PMPCB: variants seen among roughly 807,000 people sequenced by gnomAD.
PMPCB encodes the protein mitochondrial-processing peptidase subunit beta.
In PMPCB, 46 loss-of-function variants were observed where a neutral mutation model predicts 61.5. The observed-to-expected ratio is 0.75, with a 90% confidence interval of 0.59 to 0.96. The LOEUF (loss-of-function observed/expected upper bound fraction) is 0.96, where lower values mean the gene tolerates loss of function less well. Among genes scored for constraint, PMPCB ranks in the 40% least tolerant of loss-of-function variants. The probability of loss-of-function intolerance (pLI) is 0.00; values close to 1 mark genes in which losing one functional copy is unlikely to be tolerated. For missense variants in PMPCB, 590 were observed against 602.4 expected (o/e 0.98, Z 0.22); for synonymous variants, 191 against 201.6 (o/e 0.95, Z 0.44).
At chr7:103,321,826 C>T (rs539679086) in intron 12 of PMPCB, 31 of 1,308,124 alleles carry the variant, frequency 2.4e-5, no homozygotes, top group African/African-American at 1.2e-4. Flanking sequence ...CCAGCCTGGG[C>T]GACAGAGCGA....
chr7:103,322,117 A>G (rs1818452865), intron 12 of PMPCB: 1 of 1,457,376 alleles, frequency 6.9e-7, no homozygotes, highest in East Asian at 2.3e-5. Context: ...TTTAATAGGT[A>G]CAGTAAAATT....
Position 103,297,439 on chromosome 7 carries a change from T to C in PMPCB, c.-21T>C. 6.5e-7 allele frequency: 1 copy of C among 1,534,868 alleles called. No individual in the cohort carries two copies. Among genetic ancestry groups the C allele is most frequent in the Non-Finnish European group, 8.8e-7 (1 of 1,140,422 alleles). On this transcript the variant is annotated 5_prime_UTR_variant, in exon 1 of 13. Transcript: ENST00000249269. ...GACCCCGGAAGCACATCCTTCATCC[T>C]CTACCTTCCTTCTAGCAGAAATGGC...
At position 103,312,506 on chromosome 7, in the gene PMPCB, A is replaced by G; in HGVS notation, c.*235A>G. Reference sequence around the variant, plus strand: ...AAATTATTACCATGAGTATAATTTTAAGAATGAAAATGTTTACAGTATTTT... The same window carrying G: ...AAATTATTACCATGAGTATAATTTTGAGAATGAAAATGTTTACAGTATTTT... On this transcript the variant is annotated 3_prime_UTR_variant, in exon 13 of 13. Transcript: ENST00000249269. The G allele has an allele frequency of 6.3e-7, 1 of 1,580,568 alleles. No individual in the cohort carries two copies. Among genetic ancestry groups the G allele is most frequent in the Non-Finnish European group, 8.6e-7 (1 of 1,167,806 alleles).
chr7:103,337,635 AGTTATGG>A, the PMPCB span: 1 of 917,798 alleles, frequency 1.1e-6, no homozygotes, highest in South Asian at 1.5e-5. Flanking sequence ...TGTTAAATGT[AGTTATGG>A]CTGCAGACTA....
At position 103,297,559 on chromosome 7, in the gene PMPCB, G is replaced by T; in HGVS notation, c.99+1G>T. On this transcript the variant is annotated splice_donor_variant, in intron 1 of 12. Coordinates refer to ENST00000249269, the MANE Select transcript of PMPCB (RefSeq NM_004279.3). LOFTEE classifies it high-confidence loss of function. ...TCTAATCCGAGGCGCTGCGGGACGGGTGAGCTTCCCTCCAGGCCGGTCCTG... is the reference window on the plus strand; with the variant it reads ...TCTAATCCGAGGCGCTGCGGGACGGTTGAGCTTCCCTCCAGGCCGGTCCTG... 1.2e-6 allele frequency: 2 copies of T among 1,611,380 alleles called. No individual in the cohort carries two copies. Among genetic ancestry groups the T allele is most frequent in the South Asian group, 2.2e-5 (2 of 90,872 alleles).
At chr7:103,300,037 C>T (rs996117557) in intron 3 of PMPCB, 141 bp from the exon 4 acceptor site, 6 of 700,472 alleles carry the variant, frequency 8.6e-6, no homozygotes, top group African/African-American at 5.4e-5. Flanking sequence ...TGTGAGCCAT[C>T]GTACCATACC....
At position 103,307,617 on chromosome 7, in the gene PMPCB, T is replaced by A. The variant is rs1414662315; in HGVS notation, c.758T>A (p.Leu253His). ...AAGGVSHDEL[L>H]DLAKFHFGDS... ...TTAGGTGTTTCCCATGATGAATTGC[T>A]TGACTTAGCAAAGTTTCATTTCGGT... Residue 253 changes from leucine (L) to histidine (H), a missense_variant, in exon 7 of 13, where the codon CTT (leucine) becomes CAT (histidine). By Grantham distance (99) the Leu-to-His change is moderately conservative. Coordinates refer to ENST00000249269, the MANE Select transcript of PMPCB (RefSeq NM_004279.3). 1 of 1,610,874 alleles carries A rather than the reference T, an allele frequency of 6.2e-7. No individual in the cohort carries two copies. Among genetic ancestry groups the A allele is most frequent in the Non-Finnish European group, 8.5e-7 (1 of 1,177,120 alleles).
At chr7:103,298,902 A>G (rs927793203) in intron 2 of PMPCB, among the ~76,000 whole-genome samples, 194 bp downstream of exon 2, 1 of 152,162 alleles carries the variant, frequency 6.6e-6, no homozygotes, top group Non-Finnish European at 1.5e-5. Context: ...ATCCTGTTGC[A>G]TTGTCTGCAT....
chr7:103,341,859 C>T, the PMPCB span: 4 of 1,613,114 alleles, frequency 2.5e-6, no homozygotes, highest in South Asian at 1.1e-5. Context: ...TTCTTATCCT[C>T]CAGTTCCTGA....
At chr7:103,331,238 G>A (rs920017857), downstream of PMPCB, among the ~76,000 whole-genome samples, 2 of 152,206 alleles carry the variant, frequency 1.3e-5, no homozygotes, top group Non-Finnish European at 1.5e-5. Context: ...GATTACAGGC[G>A]TGAGCCACTG....
downstream of PMPCB, among the ~76,000 whole-genome samples, chr7:103,318,712 A>G (rs948583948): frequency 6.6e-6 from 1 of 152,236 alleles, no homozygotes; most frequent in Non-Finnish European, 1.5e-5. Flanking sequence ...CTGTAAAATA[A>G]AAGGTATAGA....
intron 12 of PMPCB, among the ~76,000 whole-genome samples, chr7:103,321,374 C>T: frequency 6.6e-6 from 1 of 151,640 alleles, no homozygotes; most frequent in East Asian, 1.9e-4. Flanking sequence ...AAAAATTAGC[C>T]AGGCGTGGTG....
At chr7:103,336,855 G>A in the PMPCB span, 1 of 152,174 alleles carries the variant, frequency 6.6e-6, no homozygotes, top group East Asian at 1.9e-4. Context: ...TTTCCTAAAT[G>A]TAAGCAGTAA....
chr7:103,303,125 A>C (rs1221143981), intron 4 of PMPCB, among the ~76,000 whole-genome samples: 20 of 152,100 alleles, frequency 1.3e-4, no homozygotes, highest in Non-Finnish European at 2.9e-5. Flanking sequence ...TTTGGGGCAT[A>C]TTTTAGATTG....
In PMPCB at chr7:103,312,877, T is replaced by A; in HGVS notation, c.*606T>A. 6.4e-7 allele frequency: 1 copy of A among 1,555,946 alleles called. No homozygotes were observed. Among genetic ancestry groups the A allele is most frequent in the South Asian group, 1.3e-5 (1 of 79,106 alleles). On this transcript the variant is annotated 3_prime_UTR_variant, in exon 13 of 13. Coordinates refer to ENST00000249269, the MANE Select transcript of PMPCB (RefSeq NM_004279.3). ...TATATTATTAACCACTTAATAGACA[T>A]AAAATATGAGCTATATCACCCAAGC... is the stretch of plus-strand genomic sequence containing the variant.
At chr7:103,300,871 G>C (rs549245469) in intron 4 of PMPCB, among the ~76,000 whole-genome samples, 1 of 152,234 alleles carries the variant, frequency 6.6e-6, no homozygotes, top group African/African-American at 2.4e-5. Context: ...TTTTAGTAGA[G>C]ATGGGTTCTA....
chr7:103,312,300 CAT>C lies in PMPCB; in HGVS notation c.*30_*31del, dbSNP rs1817789247. ...GCTCCTAATCAAGATTGTTTGAACA[CAT>C]GTATTTATAAAACAGAGCTAGAGAA... is the stretch of plus-strand genomic sequence containing the variant. On this transcript the variant is annotated 3_prime_UTR_variant, in exon 13 of 13. Transcript: ENST00000249269. 1 of 1,605,758 alleles carries C rather than the reference CAT, an allele frequency of 6.2e-7. No individual in the cohort carries two copies. Among genetic ancestry groups the C allele is most frequent in the African/African-American group, 1.3e-5 (1 of 74,812 alleles).
In PMPCB at chr7:103,300,195, C is replaced by A. The variant is rs760013215; in HGVS notation, c.345C>A (p.Ser115=). The change falls in exon 4 of 13, where the codon TCC becomes TCA. Residue 115 remains serine (S), a synonymous_variant. Coordinates refer to ENST00000249269, the MANE Select transcript of PMPCB (RefSeq NM_004279.3). ...ATTTCAAGGGCACCAAGAAGAGATCCCAGTTAGATCTGGAACTTGAGATTG... is the reference window on the plus strand; with the variant it reads ...ATTTCAAGGGCACCAAGAAGAGATCACAGTTAGATCTGGAACTTGAGATTG... ...HMAFKGTKKR[S]QLDLELEIEN... is the part of the protein sequence containing the mutation. 6 of 1,611,132 alleles carry A rather than the reference C, an allele frequency of 3.7e-6. No homozygotes were observed. The highest frequency in any genetic ancestry group is 5.1e-6 in the Non-Finnish European group (6 of 1,178,726).
chr7:103,317,389 C>G (rs1302832232), downstream of PMPCB: 2 of 179,182 alleles, frequency 1.1e-5, no homozygotes, highest in Non-Finnish European at 2.3e-5. Context: ...TATTCTCTAC[C>G]AAAAGGTGAA....
Sources: gnomAD v4.1 joint callset for allele counts (sites outside exome capture counted in the v4.1 genomes callset) on GRCh38, gnomAD v4.1.1 for gene constraint, MANE v1.5 for transcripts, NCBI Gene and HGNC (gene_info 2026-07-23, HGNC 2026-07-21) for gene names.